The following PPP4R4 variants were observed in gnomAD, a reference collection of about 807,000 sequenced individuals.
PPP4R4 encodes the protein serine/threonine-protein phosphatase 4 regulatory subunit 4.
In PPP4R4, 70 loss-of-function variants were observed where a neutral mutation model predicts 121.8. The observed-to-expected ratio is 0.57, with a 90% confidence interval of 0.47 to 0.70. The LOEUF is 0.70. PPP4R4 is among the 30% of genes least tolerant of loss of function. The pLI is 0.00. For synonymous variants in PPP4R4, 348 were observed against 355.7 expected (o/e 0.98, Z 0.24); for missense variants, 875 against 1,033.6 (o/e 0.85, Z 2.10).
At chr14:94,227,885 A>C in intron 3 of PPP4R4, 1 of 984,992 alleles carries the variant, frequency 1.0e-6, no homozygotes, top group African/African-American at 1.7e-5. Flanking sequence ...AAATCTTTTA[A>C]AAGTGTTTTC....
chr14:94,246,683 G>C (rs1316230645), intron 14 of PPP4R4, 144 bp downstream of exon 14: 6 of 879,624 alleles, frequency 6.8e-6, no homozygotes, highest in Non-Finnish European at 1.0e-5. Context: ...AGGTCCAGAA[G>C]AGGGGACTCA....
chr14:94,240,991 T>A (rs1448064582), intron 9 of PPP4R4, among the ~76,000 whole-genome samples, 196 bp downstream of exon 9: 1 of 152,122 alleles, frequency 6.6e-6, no homozygotes, highest in Non-Finnish European at 1.5e-5. Context: ...TAGAACCTAT[T>A]TGAAAGAACA....
Position 94,278,923 on chromosome 14 carries a change from G to A in PPP4R4, c.*280G>A, listed in dbSNP as rs1209338339. 2.2e-5 allele frequency: 5 copies of A among 225,472 alleles called. No homozygotes were observed. The highest frequency in any genetic ancestry group is 1.1e-4 in the Admixed American group (2 of 17,480). The allele number at this position is 225,472 out of a possible 1,614,324, so 14.0% of individuals were successfully genotyped here. A position where few individuals can be genotyped will look rare whatever the true frequency, so the allele number is the denominator to read the frequency against. On this transcript the variant is annotated 3_prime_UTR_variant, in exon 25 of 25. Coordinates refer to ENST00000304338, the MANE Select transcript of PPP4R4 (RefSeq NM_058237.2). ...TGTAATGAAAAACATCTCTAGGAAT[G>A]TGCTTTAACCACTGCTGCAAAAGAG... is the stretch of plus-strand genomic sequence containing the variant.
At chr14:94,178,623 A>G (rs1371568222) in intron 2 of PPP4R4, among the ~76,000 whole-genome samples, 1 of 152,124 alleles carries the variant, frequency 6.6e-6, no homozygotes, top group Non-Finnish European at 1.5e-5. Flanking sequence ...ATGACATGTC[A>G]GTTATTAATG....
At chr14:94,259,976 T>G (rs974468215) in intron 19 of PPP4R4, among the ~76,000 whole-genome samples, 1 of 152,204 alleles carries the variant, frequency 6.6e-6, no homozygotes, top group African/African-American at 2.4e-5. Context: ...GACATTTGGC[T>G]TACTTCTAAT....
intron 16 of PPP4R4, among the ~76,000 whole-genome samples, chr14:94,253,515 G>A (rs1477667870): frequency 1.3e-5 from 2 of 152,176 alleles, no homozygotes; most frequent in South Asian, 2.1e-4. Flanking sequence ...AACAACTAAT[G>A]GGTCCATCTT....
chr14:94,246,600 A>T (rs2139585305), intron 14 of PPP4R4, 61 bp downstream of exon 14: 1 of 1,465,240 alleles, frequency 6.8e-7, no homozygotes, highest in East Asian at 2.3e-5. Flanking sequence ...GAATTACCAA[A>T]ACTCTTCATA....
intron 3 of PPP4R4, among the ~76,000 whole-genome samples, chr14:94,217,441 A>G (rs890969583): frequency 5.3e-5 from 8 of 152,204 alleles, no homozygotes; most frequent in African/African-American, 1.9e-4. Context: ...GAGCATAAAT[A>G]CTGTTGCCCC....
intron 19 of PPP4R4, among the ~76,000 whole-genome samples, chr14:94,264,160 T>C (rs1340757525): frequency 6.6e-6 from 1 of 152,178 alleles, no homozygotes; most frequent in African/African-American, 2.4e-5. Flanking sequence ...TTTATGTATG[T>C]ATATTTGAGA....
At chr14:94,230,888 C>T (rs955611361) in intron 4 of PPP4R4, among the ~76,000 whole-genome samples, 154 bp downstream of exon 4, 6 of 152,146 alleles carry the variant, frequency 3.9e-5, no homozygotes, top group African/African-American at 1.4e-4. Flanking sequence ...ATAGCTATGG[C>T]TGTCTTATAA....
At chr14:94,190,048 CTT>C (rs34015633) in intron 2 of PPP4R4, among the ~76,000 whole-genome samples, 313 of 143,310 alleles carry the variant, frequency 2.2e-3, no homozygotes, top group Admixed American at 3.0e-3. Context: ...TTGCTTTTAT[CTT>C]TTTTTTTTTT....
chr14:94,256,323 C>A, intron 16 of PPP4R4, 137 bp from the exon 17 acceptor site: 1 of 628,538 alleles, frequency 1.6e-6, no homozygotes, highest in Non-Finnish European at 2.5e-6. Flanking sequence ...GAATGTTTGA[C>A]ACATAATAGA....
At chr14:94,260,588 G>T (rs989744142) in intron 19 of PPP4R4, among the ~76,000 whole-genome samples, 1 of 151,826 alleles carries the variant, frequency 6.6e-6, no homozygotes, top group African/African-American at 2.4e-5. Context: ...GATGCCTAAA[G>T]ATGTCAAGCA....
intron 2 of PPP4R4, among the ~76,000 whole-genome samples, chr14:94,188,761 A>G (rs1228589350): frequency 1.3e-5 from 2 of 152,164 alleles, no homozygotes; most frequent in Non-Finnish European, 2.9e-5. Flanking sequence ...ATGTGAGGTG[A>G]TGGACATGTT....
chr14:94,224,629 A>G (rs970298873), intron 3 of PPP4R4, among the ~76,000 whole-genome samples: 2 of 152,172 alleles, frequency 1.3e-5, no homozygotes, highest in Non-Finnish European at 2.9e-5. Flanking sequence ...AAGAGACTGG[A>G]GGAGGCCCAG....
intron 8 of PPP4R4, among the ~76,000 whole-genome samples, chr14:94,238,119 C>T (rs1892444136): frequency 6.6e-6 from 1 of 152,204 alleles, no homozygotes; most frequent in African/African-American, 2.4e-5. Context: ...CTAACCCAGT[C>T]CCACGAGAGC....
chr14:94,260,012 T>A (rs1219661632), intron 19 of PPP4R4, among the ~76,000 whole-genome samples: 1 of 152,194 alleles, frequency 6.6e-6, no homozygotes, highest in Non-Finnish European at 1.5e-5. Context: ...ATATAGTTGC[T>A]TTGAACATTA....
intron 3 of PPP4R4, among the ~76,000 whole-genome samples, chr14:94,212,142 A>C (rs185437301): frequency 6.6e-6 from 1 of 152,302 alleles, no homozygotes; most frequent in East Asian, 1.9e-4. Flanking sequence ...CAGATGAAGT[A>C]ATGGAGATTT....
At chr14:94,205,155 T>C (rs1595470941) in intron 2 of PPP4R4, among the ~76,000 whole-genome samples, 1 of 152,292 alleles carries the variant, frequency 6.6e-6, no homozygotes, top group East Asian at 1.9e-4. Flanking sequence ...AATGGTAGTA[T>C]TCTCCATTGA....
Sources: allele counts gnomAD v4.1 joint callset (sites outside exome capture counted in the v4.1 genomes callset), GRCh38; gene constraint gnomAD v4.1.1; transcripts MANE v1.5; gene names NCBI Gene and HGNC (gene_info 2026-07-23, HGNC 2026-07-21).